Variants in DSCAML1 observed in about 807,000 individuals in gnomAD.
The protein encoded by DSCAML1 is DS cell adhesion molecule like 1, also known as cell adhesion molecule DSCAML1.
A neutral mutation model predicts 200.5 loss-of-function variants in DSCAML1; 38 were observed. The observed-to-expected ratio is 0.19, with a 90% CI of 0.15 to 0.25. The LOEUF (loss-of-function observed/expected upper bound fraction) is 0.25, where lower values mean the gene tolerates loss of function less well. Among genes scored for constraint, DSCAML1 ranks in the 10% least tolerant of loss-of-function variants. The probability of loss-of-function intolerance (pLI) is 1.00; values close to 1 mark genes in which losing one functional copy is unlikely to be tolerated. For synonymous variants in DSCAML1, 1,215 were observed against 1,165.0 expected (o/e 1.04, Z -0.87); for missense variants, 2,223 against 2,858.8 (o/e 0.78, Z 5.07).
At chr11:117,521,474 A>T in intron 5 of DSCAML1, 69 bp from the exon 6 acceptor site, 1 of 1,518,358 alleles carries the variant, frequency 6.6e-7, no homozygotes, top group Non-Finnish European at 8.9e-7. Flanking sequence ...GCTTACTGTG[A>T]GTGGAGTGTA....
chr11:117,550,754 CCT>C (rs1016837447), intron 3 of DSCAML1, among the ~76,000 whole-genome samples: 1 of 152,218 alleles, frequency 6.6e-6, no homozygotes, highest in Non-Finnish European at 1.5e-5. Flanking sequence ...CAATTTCCCA[CCT>C]CTCACTCGCT....
At position 117,493,874 on chromosome 11, in the gene DSCAML1, C is replaced by G. The variant is rs925070047; in HGVS notation, c.2359+9971G>C. On this transcript the variant is annotated intron_variant, in intron 11 of 32. Coordinates refer to ENST00000651296, the MANE Select transcript of DSCAML1 (RefSeq NM_020693.4). ...AACTCCTGGGCTCAAGCAATTCGCC[C>G]CCCTCTCCCTCCCAGAATGGTGGGA... 3.3e-5 allele frequency among the ~76,000 whole-genome samples: 5 copies of G among 152,248 alleles called. No individual in the cohort carries two copies. The East Asian group carries it at 9.7e-4, about 29-fold the overall frequency.
At chr11:117,635,284 T>C (rs1330630394) in intron 3 of DSCAML1, among the ~76,000 whole-genome samples, 1 of 152,204 alleles carries the variant, frequency 6.6e-6, no homozygotes, top group Non-Finnish European at 1.5e-5. Context: ...TACTCGCCCA[T>C]TCTTTCCAGG....
intron 3 of DSCAML1, among the ~76,000 whole-genome samples, chr11:117,660,493 T>C (rs568534424): frequency 6.6e-6 from 1 of 152,310 alleles, no homozygotes; most frequent in Non-Finnish European, 1.5e-5. Flanking sequence ...ACTCATTTGG[T>C]AGGCAGCAAG....
At chr11:117,500,924 T>G (rs940763645) in intron 11 of DSCAML1, among the ~76,000 whole-genome samples, 14 of 152,168 alleles carry the variant, frequency 9.2e-5, no homozygotes, top group African/African-American at 3.1e-4. Flanking sequence ...GTAAAGTTAT[T>G]TTGGGTCAAA....
chr11:117,574,018 G>C (rs1182529694), intron 3 of DSCAML1, among the ~76,000 whole-genome samples: 1 of 152,196 alleles, frequency 6.6e-6, no homozygotes, highest in East Asian at 1.9e-4. Flanking sequence ...TAGCTTTCTG[G>C]AGCTGGGAAG....
chr11:117,525,029 C>A lies in DSCAML1; in HGVS notation c.713G>T (p.Trp238Leu). The A allele has an allele frequency of 1.3e-6, 2 of 1,598,946 alleles. No homozygotes were observed. Among genetic ancestry groups the A allele is most frequent in the East Asian group, 2.3e-5 (1 of 44,132 alleles). ...ILDGFHSQEV[W>L]AGHTVELPCT... ...GGGCAGCTCCACGGTGTGGCCGGCC[C>A]ACACTTCCTGGGAGTGGAAGCCATC... Residue 238 changes from tryptophan (W) to leucine (L), a missense_variant, in exon 5 of 33, where the codon TGG becomes TTG. Coordinates refer to ENST00000651296, the MANE Select transcript of DSCAML1 (RefSeq NM_020693.4).
intron 20 of DSCAML1, 113 bp from the exon 21 acceptor site, chr11:117,444,152 C>A (rs944766755): frequency 1.6e-6 from 2 of 1,262,398 alleles, no homozygotes; most frequent in Non-Finnish European, 2.1e-6. Flanking sequence ...GGATGCGAGG[C>A]AGGATTCTGT....
intron 3 of DSCAML1, among the ~76,000 whole-genome samples, chr11:117,687,462 C>T (rs940032466): frequency 7.2e-5 from 8 of 111,234 alleles, no homozygotes; most frequent in Admixed American, 2.1e-4. Flanking sequence ...GATGGGGTCT[C>T]GCTATTTTGC....
At chr11:117,576,297 C>T (rs1330983273) in intron 3 of DSCAML1, among the ~76,000 whole-genome samples, 2 of 152,108 alleles carry the variant, frequency 1.3e-5, no homozygotes, top group Non-Finnish European at 2.9e-5. Flanking sequence ...TTTTGTCCAG[C>T]GAGGAGGAAG....
rs577823351 is a variant in DSCAML1 at position 117,587,262 on chromosome 11, C to G, written c.512-54740G>C. Among the ~76,000 whole-genome samples the G allele has an allele frequency of 1.7e-3, 258 of 150,800 alleles. 2 individuals carry two copies. The highest frequency in any genetic ancestry group is 3.1e-3 in the Non-Finnish European group (212 of 67,570). On this transcript the variant is annotated intron_variant, in intron 3 of 32. Transcript: ENST00000651296. ...CATTCGATTCTTTCCAACCCCCCCC[C>G]ACGATTTAGATACTATTATGATTCC...
Position 117,463,777 on chromosome 11 carries a change from C to T in DSCAML1, c.3265+1165G>A, listed in dbSNP as rs1254503500. 6.6e-6 allele frequency among the ~76,000 whole-genome samples: 1 copy of T among 152,202 alleles called. No homozygotes were observed. Among genetic ancestry groups the T allele is most frequent in the Admixed American group, 6.5e-5 (1 of 15,278 alleles). The stretch of plus-strand genomic sequence containing the variant: ...TTCAGTTCTCCCCTCTTCTCAGGTG[C>T]TCAGTGCTCTGGGGCTATTGAAGTC... On this transcript the variant is annotated intron_variant, in intron 17 of 32. Transcript: ENST00000651296. This position sits in a 1 kb window ranked among gnomAD's most constrained non-coding sequence, Gnocchi z 4.0.
intron 3 of DSCAML1, among the ~76,000 whole-genome samples, chr11:117,732,493 G>A (rs373919020): frequency 6.6e-6 from 1 of 152,180 alleles, no homozygotes; most frequent in Non-Finnish European, 1.5e-5. Flanking sequence ...ATAAAAAGAC[G>A]AGTTCCAAGG....
chr11:117,462,205 C>T (rs183503446), intron 17 of DSCAML1, among the ~76,000 whole-genome samples: 28 of 152,342 alleles, frequency 1.8e-4, no homozygotes, highest in Admixed American at 6.5e-4. Flanking sequence ...ATTAAAGCTT[C>T]GCTCGTGCCC....
At chr11:117,541,898 T>C (rs993394772) in intron 3 of DSCAML1, among the ~76,000 whole-genome samples, 14 of 152,078 alleles carry the variant, frequency 9.2e-5, no homozygotes, top group African/African-American at 3.1e-4. Flanking sequence ...GGTGATTAGA[T>C]TGGAAATGCT....
chr11:117,623,513 G>GC (rs1254109391), intron 3 of DSCAML1, among the ~76,000 whole-genome samples: 1 of 152,166 alleles, frequency 6.6e-6, no homozygotes, highest in Non-Finnish European at 1.5e-5. Flanking sequence ...ACTGCTCCTG[G>GC]CCTAACATGC....
intron 3 of DSCAML1, among the ~76,000 whole-genome samples, chr11:117,723,691 T>C (rs532787024): frequency 6.6e-6 from 1 of 152,220 alleles, no homozygotes; most frequent in Non-Finnish European, 1.5e-5. Context: ...CCCCTGTTTT[T>C]CCCCCTTGAA....
At chr11:117,692,057 C>T (rs955904360) in intron 3 of DSCAML1, among the ~76,000 whole-genome samples, 2 of 152,106 alleles carry the variant, frequency 1.3e-5, no homozygotes, top group African/African-American at 4.8e-5. Flanking sequence ...TAAATATGTC[C>T]ATTTCACTGG....
intron 3 of DSCAML1, among the ~76,000 whole-genome samples, chr11:117,645,089 C>T (rs553946113): frequency 6.6e-6 from 1 of 152,328 alleles, no homozygotes; most frequent in Non-Finnish European, 1.5e-5. Context: ...TGAGAGAGCC[C>T]CCACAGTGGT....
Sources: allele counts gnomAD v4.1 joint callset (sites outside exome capture counted in the v4.1 genomes callset), GRCh38; gene constraint gnomAD v4.1.1; non-coding constraint Gnocchi (gnomAD v3.1); transcripts MANE v1.5; gene names NCBI Gene and HGNC (gene_info 2026-07-23, HGNC 2026-07-21).